The following RNFT2 variants were observed in gnomAD, a reference collection of about 807,000 sequenced individuals.
RNFT2 encodes ring finger protein, transmembrane 2.
A neutral mutation model predicts 53.0 loss-of-function variants in RNFT2; 36 were observed. That is an observed-to-expected ratio of 0.68 (90% CI 0.52 to 0.90). The LOEUF is 0.90. Among genes scored for constraint, RNFT2 ranks in the 40% least tolerant of loss-of-function variants. The pLI, the probability that RNFT2 is intolerant of heterozygous loss-of-function variation, is 0.00. For synonymous variants in RNFT2, 260 were observed against 253.2 expected (o/e 1.03, Z -0.26); for missense variants, 514 against 585.6 (o/e 0.88, Z 1.26).
chr12:116,756,615 C>T (rs1420333109), intron 5 of RNFT2, among the ~76,000 whole-genome samples: 6 of 152,158 alleles, frequency 3.9e-5, no homozygotes, highest in African/African-American at 1.4e-4. Context: ...ATTCTGTTTA[C>T]GTGGTGTATC....
intron 6 of RNFT2, among the ~76,000 whole-genome samples, chr12:116,773,275 A>G (rs1329127916): frequency 2.6e-5 from 4 of 152,228 alleles, no homozygotes; most frequent in Non-Finnish European, 4.4e-5. Context: ...AGTAACGTCT[A>G]TTGACACTTC....
intron 7 of RNFT2, among the ~76,000 whole-genome samples, chr12:116,788,543 A>G (rs1336320912): frequency 6.6e-6 from 1 of 152,070 alleles, no homozygotes; most frequent in Non-Finnish European, 1.5e-5. Flanking sequence ...ACAGCACCCT[A>G]TACTTCCCCT....
intron 10 of RNFT2, among the ~76,000 whole-genome samples, chr12:116,847,937 T>A (rs374485873): frequency 5.9e-5 from 9 of 152,204 alleles, no homozygotes; most frequent in African/African-American, 2.2e-4. Flanking sequence ...GCTGCACCTA[T>A]CAACCCATCA....
At chr12:116,764,781 A>G (rs11068174) in intron 5 of RNFT2, among the ~76,000 whole-genome samples, 20,257 of 152,154 alleles carry the variant, frequency 0.13, 3,423 homozygotes, top group African/African-American at 0.4. Flanking sequence ...AATCCCAGCC[A>G]CTTGGGAGGC....
intron 7 of RNFT2, among the ~76,000 whole-genome samples, chr12:116,813,874 G>A (rs1875508219): frequency 1.3e-5 from 2 of 152,182 alleles, no homozygotes; most frequent in South Asian, 4.1e-4. Context: ...GGATGAGTCA[G>A]TAGCCTTCTC....
intron 6 of RNFT2, among the ~76,000 whole-genome samples, chr12:116,776,413 G>A (rs1412506921): frequency 6.6e-6 from 1 of 152,154 alleles, no homozygotes; most frequent in Non-Finnish European, 1.5e-5. Context: ...CAACCAGCCT[G>A]GGATATCCCA....
chr12:116,828,854 G>A (rs1436461573), intron 7 of RNFT2, among the ~76,000 whole-genome samples: 1 of 152,084 alleles, frequency 6.6e-6, no homozygotes, highest in Non-Finnish European at 1.5e-5. Flanking sequence ...ACAAAAGCAG[G>A]TTAAGGCCAG....
At position 116,850,096 on chromosome 12, in the gene RNFT2, C is replaced by G. The variant is rs933233766; in HGVS notation, c.*648C>G. 7 of 151,002 alleles carry G rather than the reference C, an allele frequency of 4.6e-5. No individual in the cohort carries two copies. The highest frequency in any genetic ancestry group is 6.6e-5 in the Admixed American group (1 of 15,070). 9.4% of individuals were successfully genotyped at this position (151,002 alleles called of 1,614,324 possible). On this transcript the variant is annotated 3_prime_UTR_variant, in exon 11 of 11. Coordinates refer to ENST00000257575, the MANE Select transcript of RNFT2 (RefSeq NM_001382266.1). ...TTGACCTCAAATGATCAGCTCGCCT[C>G]AGCCTCACGAAGTGCTGGGATTACA... is the stretch of plus-strand genomic sequence containing the variant.
rs1005163044 is a variant in RNFT2 at position 116,808,108 on chromosome 12, C to T, written c.883-25684C>T. ...CCTCCCAAATAACTGGGATTACAGGCGCCCGCCACCATGCCCAGCTAATTT... is the reference window on the plus strand; with the variant it reads ...CCTCCCAAATAACTGGGATTACAGGTGCCCGCCACCATGCCCAGCTAATTT... On this transcript the variant is annotated intron_variant, in intron 7 of 10. Coordinates refer to ENST00000257575, the MANE Select transcript of RNFT2 (RefSeq NM_001382266.1). 2.6e-5 allele frequency among the ~76,000 whole-genome samples: 4 copies of T among 152,110 alleles called. 1 individual carries two copies. In the South Asian group the frequency reaches 6.2e-4, roughly 24 times the overall value.
At position 116,814,383 on chromosome 12, in the gene RNFT2, G is replaced by A. The variant is rs144446658; in HGVS notation, c.883-19409G>A. On this transcript the variant is annotated intron_variant, in intron 7 of 10. Coordinates refer to ENST00000257575, the MANE Select transcript of RNFT2 (RefSeq NM_001382266.1). ...CAGGGAGTGTCATTGTTTGCAGGGC[G>A]GGGAAGGGAGGGCGATGCTCTTTTA... Among the ~76,000 whole-genome samples, 419 of 152,258 alleles carry A rather than the reference G, an allele frequency of 2.8e-3. 1 individual carries two copies. Among genetic ancestry groups the A allele is most frequent in the Admixed American group, 5.4e-3 (82 of 15,282 alleles).
Position 116,766,862 on chromosome 12 carries a change from G to T in RNFT2, c.676G>T (p.Gly226Trp). Residue 226 changes from glycine to tryptophan, a missense_variant, in exon 6 of 11, where the codon GGG becomes TGG. By Grantham distance (184) the Gly-to-Trp change is radical (BLOSUM62 -2). Around this residue, in one of 3 missense-constraint regions of RNFT2, gnomAD observed 273 missense variants for 334.4 expected, o/e 0.82. Transcript: ENST00000257575. ...VILWILAFLA[G>W]NTLYVLYTFS... is the part of the protein sequence containing the mutation. ...CTTGTGGATCCTGGCCTTTCTGGCG[G>T]GGAACACCCTCTATGTGCTTTATAC... 6.3e-7 allele frequency: 1 copy of T among 1,598,628 alleles called. No homozygotes were observed. The highest frequency in any genetic ancestry group is 1.7e-5 in the Admixed American group (1 of 57,650).
At chr12:116,806,004 G>A (rs746262030) in intron 7 of RNFT2, among the ~76,000 whole-genome samples, 3 of 152,300 alleles carry the variant, frequency 2.0e-5, no homozygotes, top group East Asian at 3.9e-4. Context: ...TAGCTGAATC[G>A]AGACATTAAA....
intron 1 of RNFT2, chr12:116,738,689 C>T (rs1191216170): frequency 6.6e-6 from 1 of 152,208 alleles, no homozygotes; most frequent in Non-Finnish European, 1.5e-5. Context: ...GCGTTTCATT[C>T]ATTCAGATGC....
intron 7 of RNFT2, among the ~76,000 whole-genome samples, chr12:116,822,462 G>A (rs185579279): frequency 6.6e-6 from 1 of 151,932 alleles, no homozygotes; most frequent in East Asian, 1.9e-4. Flanking sequence ...CGTCACCTGG[G>A]GCAGGTTATC....
At chr12:116,803,268 C>T (rs559891206) in intron 7 of RNFT2, among the ~76,000 whole-genome samples, 4 of 152,250 alleles carry the variant, frequency 2.6e-5, no homozygotes, top group South Asian at 2.1e-4. Flanking sequence ...CCACCTGCCA[C>T]GGGGGTGATG....
chr12:116,765,056 G>C (rs1872850734), intron 5 of RNFT2, among the ~76,000 whole-genome samples: 1 of 152,152 alleles, frequency 6.6e-6, no homozygotes, highest in Admixed American at 6.6e-5. Context: ...AGACACAGGT[G>C]ACACTTTGCC....
At chr12:116,765,392 C>T (rs1259720626) in intron 5 of RNFT2, among the ~76,000 whole-genome samples, 1 of 152,210 alleles carries the variant, frequency 6.6e-6, no homozygotes, top group Non-Finnish European at 1.5e-5. Context: ...TTCGTCCACT[C>T]TCTGGAAATG....
chr12:116,832,518 C>T (rs1876727620), intron 7 of RNFT2, among the ~76,000 whole-genome samples: 1 of 152,218 alleles, frequency 6.6e-6, no homozygotes, highest in African/African-American at 2.4e-5. Flanking sequence ...AATAAAGCCA[C>T]TAAGGACATT....
At chr12:116,848,698 C>T (rs1042662031) in intron 10 of RNFT2, among the ~76,000 whole-genome samples, 9 of 152,180 alleles carry the variant, frequency 5.9e-5, no homozygotes, top group African/African-American at 2.2e-4. Context: ...CTCATCAGGG[C>T]TCACTCCTCA....
Sources: gnomAD v4.1 joint callset for allele counts (sites outside exome capture counted in the v4.1 genomes callset) on GRCh38, gnomAD v4.1.1 for gene constraint, gnomAD v4.1.1 regional missense constraint, MANE v1.5 for transcripts, NCBI Gene and HGNC (gene_info 2026-07-23, HGNC 2026-07-21) for gene names.